The following SMAD2 variants were observed in gnomAD, a reference collection of about 807,000 sequenced individuals.
SMAD2 encodes the protein SMAD family member 2.
Under a neutral mutation model 64.4 loss-of-function variants are expected in SMAD2, and 8 were observed. The observed-to-expected ratio is 0.12, with a 90% CI of 0.07 to 0.22. SMAD2 has a LOEUF of 0.22. Among genes scored for constraint, SMAD2 ranks in the 10% least tolerant of loss-of-function variants. The pLI is 1.00. For missense variants in SMAD2, 289 were observed against 561.2 expected, an observed-to-expected ratio of 0.51 and a Z score of 4.90; for synonymous variants, 203 against 195.8, an observed-to-expected ratio of 1.04 and a Z score of -0.31.
chr18:47,850,622 T>C lies in SMAD2; in HGVS notation c.784+652A>G, dbSNP rs1238563890. On this transcript the variant is annotated intron_variant, in intron 7 of 10. Coordinates refer to ENST00000262160, the MANE Select transcript of SMAD2 (RefSeq NM_005901.6). The stretch of plus-strand genomic sequence containing the variant: ...TATTATGTATAATATATATTATATA[T>C]TATATATATATTATATATATTATGT... 6.5e-3 allele frequency among the ~76,000 whole-genome samples: 176 copies of C among 27,044 alleles called. 3 individuals are homozygous for C. Among genetic ancestry groups the C allele is most frequent in the East Asian group, 0.019 (9 of 474 alleles). 17.7% of individuals were successfully genotyped at this position (27,044 alleles called of 152,430 possible). A position where few individuals can be genotyped will look rare whatever the true frequency, so the allele number is the denominator to read the frequency against.
At chr18:47,864,155 A>G (rs1307843263) in intron 6 of SMAD2, among the ~76,000 whole-genome samples, 3 of 152,206 alleles carry the variant, frequency 2.0e-5, no homozygotes, top group South Asian at 2.1e-4. Context: ...ATTAAGATGT[A>G]TAACACGTTA....
intron 1 of SMAD2, among the ~76,000 whole-genome samples, chr18:47,904,035 A>G (rs753565214): frequency 1.3e-5 from 2 of 152,052 alleles, no homozygotes; most frequent in Non-Finnish European, 2.9e-5. Context: ...ACATATGGAA[A>G]GAAAACACAT....
At chr18:47,863,900 T>C (rs1490610342) in intron 6 of SMAD2, among the ~76,000 whole-genome samples, 2 of 152,258 alleles carry the variant, frequency 1.3e-5, no homozygotes, top group African/African-American at 2.4e-5. Flanking sequence ...ACTAGCGATA[T>C]ATGAGGACTC....
At chr18:47,901,577 C>CAT (rs2033685419) in intron 1 of SMAD2, among the ~76,000 whole-genome samples, 1 of 151,556 alleles carries the variant, frequency 6.6e-6, no homozygotes, top group South Asian at 2.1e-4. Flanking sequence ...TCATTTGTTA[C>CAT]ATTCTTTTCT....
At chr18:47,910,222 T>A (rs989632525) in intron 1 of SMAD2, among the ~76,000 whole-genome samples, 2 of 150,946 alleles carry the variant, frequency 1.3e-5, no homozygotes, top group South Asian at 4.2e-4. Context: ...ATGGATCTTT[T>A]TAGAGAAATT....
chr18:47,858,643 T>C (rs1205901793), intron 6 of SMAD2, among the ~76,000 whole-genome samples: 2 of 152,162 alleles, frequency 1.3e-5, no homozygotes, highest in African/African-American at 4.8e-5. Context: ...AGTAGATGAA[T>C]GAAACTAGAG....
chr18:47,864,733 CAG>C (rs1424102134), intron 6 of SMAD2, among the ~76,000 whole-genome samples: 1 of 151,664 alleles, frequency 6.6e-6, no homozygotes, highest in African/African-American at 2.4e-5. Flanking sequence ...TTTTTTATCA[CAG>C]AGAGATACTT....
chr18:47,815,600 C>A lies in SMAD2; in HGVS notation c.*26227G>T, dbSNP rs1450756057. On this transcript the variant is annotated 3_prime_UTR_variant, in exon 11 of 11. Coordinates refer to ENST00000262160, the MANE Select transcript of SMAD2 (RefSeq NM_005901.6). ...ATTTATTTAACCACTAGTACAAAAA[C>A]TGGCCTTGAATAAGACATCACTTCC... is the stretch of plus-strand genomic sequence containing the variant. The A allele has an allele frequency of 6.6e-6, 1 of 152,220 alleles. No individual in the cohort carries two copies. The highest frequency in any genetic ancestry group is 6.5e-5 in the Admixed American group (1 of 15,282). The allele number at this position is 152,220 out of a possible 1,614,324, so 9.4% of individuals were successfully genotyped here.
chr18:47,864,935 GATC>G (rs2031450921), intron 6 of SMAD2, 121 bp downstream of exon 6: 8 of 684,688 alleles, frequency 1.2e-5, no homozygotes, highest in Non-Finnish European at 2.1e-5. Flanking sequence ...CAAGATAGAA[GATC>G]ATCTTTTTTG....
chr18:47,907,638 CAT>C (rs576387445), intron 1 of SMAD2, among the ~76,000 whole-genome samples: 101 of 152,196 alleles, frequency 6.6e-4, no homozygotes, highest in Non-Finnish European at 1.2e-3. Context: ...GGTAATCACA[CAT>C]GAGTACAAGT....
chr18:47,838,449 T>C lies in SMAD2; in HGVS notation c.*3378A>G, dbSNP rs1401836129. On this transcript the variant is annotated 3_prime_UTR_variant, in exon 11 of 11. Coordinates refer to ENST00000262160, the MANE Select transcript of SMAD2 (RefSeq NM_005901.6). ...CCCCGTCCTAGTCATCTTTTTATTA[T>C]TCAATATCCATCACAGTGGCTGGGC... 8.6e-6 allele frequency: 2 copies of C among 233,180 alleles called. No homozygotes were observed. The highest frequency in any genetic ancestry group is 5.6e-5 in the Admixed American group (1 of 17,786). The allele number at this position is 233,180 out of a possible 1,614,324, so 14.4% of individuals were successfully genotyped here.
chr18:47,882,042 T>C (rs950842107), intron 2 of SMAD2, among the ~76,000 whole-genome samples: 3 of 48,302 alleles, frequency 6.2e-5, no homozygotes, highest in Non-Finnish European at 9.6e-5. Context: ...CACGCTTGGC[T>C]TTTTTTTTTT....
chr18:47,901,225 T>G (rs1308005682), intron 1 of SMAD2, among the ~76,000 whole-genome samples: 2 of 152,176 alleles, frequency 1.3e-5, no homozygotes, highest in East Asian at 3.8e-4. Context: ...TTGTGGTAAC[T>G]CTGGTGGATC....
chr18:47,890,687 C>T (rs1200320938), intron 2 of SMAD2, among the ~76,000 whole-genome samples: 1 of 152,170 alleles, frequency 6.6e-6, no homozygotes, highest in African/African-American at 2.4e-5. Flanking sequence ...GAAGCTGACA[C>T]AAAAACAGGT....
In SMAD2 at chr18:47,834,488, A is replaced by AG. The variant is rs1913223096; in HGVS notation, c.*7338dup. 1 of 203,900 alleles carries AG rather than the reference A, an allele frequency of 4.9e-6. No homozygotes were observed. The highest frequency in any genetic ancestry group is 1.9e-4 in the South Asian group (1 of 5,284). 12.6% of individuals were successfully genotyped at this position (203,900 alleles called of 1,614,324 possible). On this transcript the variant is annotated 3_prime_UTR_variant, in exon 11 of 11. Transcript: ENST00000262160. Reference sequence around the variant, plus strand: ...CACTTTAGGGCAGCTGGTCACCCTGAGAACACTACCCACTCGTTCCTTAAT... The same window carrying AG: ...CACTTTAGGGCAGCTGGTCACCCTGAGGAACACTACCCACTCGTTCCTTAAT...
Position 47,848,737 on chromosome 18 carries a change from A to G in SMAD2, c.785-50T>C, listed in dbSNP as rs753597244. The G allele has an allele frequency of 2.5e-5, 32 of 1,267,368 alleles. No individual in the cohort carries two copies. The Admixed American group carries it at 6.0e-4, about 24-fold the overall frequency. 78.5% of individuals were successfully genotyped at this position (1,267,368 alleles called of 1,614,324 possible). A position where few individuals can be genotyped will look rare whatever the true frequency, so the allele number is the denominator to read the frequency against. ...TAATAAAAGGAAGAAATGCGTGAAC[A>G]ATTCAAGCCAAAAATAGATTTAATA... On this transcript the variant is annotated intron_variant, in intron 7 of 10. Transcript: ENST00000262160.
intron 6 of SMAD2, among the ~76,000 whole-genome samples, chr18:47,857,472 C>T (rs1162690417): frequency 6.6e-6 from 1 of 152,146 alleles, no homozygotes; most frequent in African/African-American, 2.4e-5. Context: ...CTACAGAGTT[C>T]CCCTTATAGT....
chr18:47,906,914 GCCCA>G (rs2033927535), intron 1 of SMAD2, among the ~76,000 whole-genome samples: 1 of 151,828 alleles, frequency 6.6e-6, no homozygotes, highest in Non-Finnish European at 1.5e-5. Flanking sequence ...TACATTTAAA[GCCCA>G]CCCAGATAAT....
intron 1 of SMAD2, among the ~76,000 whole-genome samples, chr18:47,897,639 ATTTTT>A (rs2033500677): frequency 6.6e-6 from 1 of 152,034 alleles, no homozygotes; most frequent in East Asian, 1.9e-4. Flanking sequence ...TTATTTTTTT[ATTTTT>A]ATTTTTTTGC....
Sources: gnomAD v4.1 joint callset for allele counts (sites outside exome capture counted in the v4.1 genomes callset) on GRCh38, gnomAD v4.1.1 for gene constraint, MANE v1.5 for transcripts, NCBI Gene and HGNC (gene_info 2026-07-23, HGNC 2026-07-21) for gene names.